The following BBS9 variants were observed in gnomAD, a reference collection of about 807,000 sequenced individuals.
BBS9 encodes Bardet-Biedl syndrome 9, also known as protein PTHB1.
In BBS9, 89 loss-of-function variants were observed where a neutral mutation model predicts 117.7. The observed-to-expected ratio is 0.76, with a 90% CI of 0.64 to 0.90. The LOEUF is 0.90. Among genes scored for constraint, BBS9 ranks in the 40% least tolerant of loss-of-function variants. The pLI is 0.00. For missense variants in BBS9, 982 were observed against 1,042.2 expected (o/e 0.94, Z 0.80); for synonymous variants, 379 against 370.9 (o/e 1.02, Z -0.25).
rs151048403 is a variant in BBS9, at chr7:33,490,416, G to A, written c.2116-15047G>A. Among the ~76,000 whole-genome samples the A allele has an allele frequency of 2.6e-5, 4 of 152,146 alleles. No individual in the cohort carries two copies. The East Asian group carries it at 7.7e-4, about 29-fold the overall frequency. On this transcript the variant is annotated intron_variant, in intron 19 of 22. Coordinates refer to ENST00000242067, the MANE Select transcript of BBS9 (RefSeq NM_198428.3). ...GCTTTACATGAGAATATCAATGCCA[G>A]GACCAAAGCTGTCATGTCCCTTTTT...
At chr7:33,569,842 A>G (rs912483313) in intron 21 of BBS9, among the ~76,000 whole-genome samples, 3 of 152,220 alleles carry the variant, frequency 2.0e-5, no homozygotes, top group South Asian at 2.1e-4. Context: ...AATACATGAT[A>G]TTCCCTAGCT....
intron 9 of BBS9, among the ~76,000 whole-genome samples, chr7:33,293,746 A>T (rs562194616): frequency 6.6e-6 from 1 of 152,322 alleles, no homozygotes; most frequent in African/African-American, 2.4e-5. Context: ...ACTCTAGTTA[A>T]ATCATAGAGA....
chr7:33,275,267 C>G (rs925993900), intron 9 of BBS9, among the ~76,000 whole-genome samples: 4 of 152,190 alleles, frequency 2.6e-5, no homozygotes, highest in African/African-American at 9.7e-5. Context: ...TTGCTATGCA[C>G]TTAACACAAG....
intron 5 of BBS9, among the ~76,000 whole-genome samples, chr7:33,231,431 T>C (rs1429135470): frequency 4.1e-5 from 6 of 147,226 alleles, no homozygotes; most frequent in Non-Finnish European, 6.0e-5. Context: ...TATGTGTCTT[T>C]TTTTTTTTTT....
At chr7:33,565,410 T>G (rs922201790) in intron 21 of BBS9, among the ~76,000 whole-genome samples, 1 of 152,126 alleles carries the variant, frequency 6.6e-6, no homozygotes, top group Non-Finnish European at 1.5e-5. Context: ...AACTGTGTAC[T>G]GGCTGAAACA....
intron 2 of BBS9, 63 bp from the exon 3 acceptor site, chr7:33,152,638 T>C: frequency 6.8e-7 from 1 of 1,472,664 alleles, no homozygotes; most frequent in Non-Finnish European, 9.4e-7. Context: ...GAAAGCTTAT[T>C]TCCTAAGAGA....
At chr7:33,594,912 C>A (rs2129184773) in intron 21 of BBS9, among the ~76,000 whole-genome samples, 1 of 152,216 alleles carries the variant, frequency 6.6e-6, no homozygotes, top group East Asian at 1.9e-4. Flanking sequence ...CATCTACAAC[C>A]ATTTCATCTT....
chr7:33,389,722 G>C (rs4723280), intron 19 of BBS9, among the ~76,000 whole-genome samples: 26,147 of 144,534 alleles, frequency 0.18, 2,546 homozygotes, highest in South Asian at 0.22. Flanking sequence ...AAAATTCATG[G>C]TTATTTGAAA....
At chr7:33,577,652 C>G (rs1859148468) in intron 21 of BBS9, among the ~76,000 whole-genome samples, 1 of 152,144 alleles carries the variant, frequency 6.6e-6, no homozygotes, top group African/African-American at 2.4e-5. Flanking sequence ...GGAACCAACC[C>G]AAATATCCAT....
intron 9 of BBS9, among the ~76,000 whole-genome samples, chr7:33,315,260 C>T (rs1239319618): frequency 6.6e-6 from 1 of 152,190 alleles, no homozygotes; most frequent in Admixed American, 6.6e-5. Context: ...TTAGTCTTTG[C>T]TAGCTGCTGG....
At chr7:33,343,237 A>G (rs968087386) in intron 11 of BBS9, among the ~76,000 whole-genome samples, 3 of 152,170 alleles carry the variant, frequency 2.0e-5, no homozygotes, top group African/African-American at 7.2e-5. Flanking sequence ...GGTCCCCAGA[A>G]TTCATAACGG....
intron 5 of BBS9, among the ~76,000 whole-genome samples, chr7:33,219,638 C>T (rs1470952012): frequency 1.3e-5 from 2 of 152,082 alleles, no homozygotes; most frequent in Non-Finnish European, 2.9e-5. Context: ...TGTGGACACT[C>T]CGTATCTAGC....
intron 9 of BBS9, among the ~76,000 whole-genome samples, chr7:33,313,066 C>T (rs13310671): frequency 3.5e-5 from 5 of 144,638 alleles, no homozygotes; most frequent in African/African-American, 1.0e-4. Flanking sequence ...TGTGTGTGTG[C>T]GCGCACAGGC....
intron 1 of BBS9, among the ~76,000 whole-genome samples, chr7:33,140,114 C>G (rs1001838891): frequency 6.6e-6 from 1 of 152,140 alleles, no homozygotes; most frequent in Admixed American, 6.6e-5. Context: ...CAAGCTCCAC[C>G]TCCTGGTTCA....
At chr7:33,390,230 T>C in intron 19 of BBS9, 2 of 985,136 alleles carry the variant, frequency 2.0e-6, no homozygotes, top group Non-Finnish European at 2.4e-6. Flanking sequence ...GCTGTATCTT[T>C]TTGTAGACAC....
At chr7:33,172,570 C>T (rs1200381880) in intron 4 of BBS9, among the ~76,000 whole-genome samples, 1 of 152,092 alleles carries the variant, frequency 6.6e-6, no homozygotes, top group Non-Finnish European at 1.5e-5. Context: ...TTAGAATTTG[C>T]TTTATTTACC....
At chr7:33,280,911 G>GATTTTGTTTCTTTTTTTT (rs1801727630) in intron 9 of BBS9, among the ~76,000 whole-genome samples, 1 of 79,392 alleles carries the variant, frequency 1.3e-5, no homozygotes, top group African/African-American at 6.0e-5. Context: ...TGTCGTTTTT[G>GATTTTGTTTCTTTTTTTT]TTTTTTTTTT....
intron 5 of BBS9, among the ~76,000 whole-genome samples, chr7:33,186,570 T>TG (rs1188090621): frequency 6.6e-6 from 1 of 152,230 alleles, no homozygotes; most frequent in Non-Finnish European, 1.5e-5. Flanking sequence ...TGTTAACTTC[T>TG]GGGTCGTATG....
chr7:33,414,802 G>T (rs1831708017), intron 19 of BBS9, among the ~76,000 whole-genome samples: 1 of 152,158 alleles, frequency 6.6e-6, no homozygotes, highest in Admixed American at 6.6e-5. Flanking sequence ...TAAATTTTTA[G>T]ATGTGGAGAT....
Sources: gnomAD v4.1 joint callset for allele counts (sites outside exome capture counted in the v4.1 genomes callset) on GRCh38, gnomAD v4.1.1 for gene constraint, MANE v1.5 for transcripts, NCBI Gene and HGNC (gene_info 2026-07-23, HGNC 2026-07-21) for gene names.